The following DLGAP1 variants were observed in gnomAD, a reference collection of about 807,000 sequenced individuals.
DLGAP1 encodes the protein DLG associated protein 1.
A neutral mutation model predicts 90.8 loss-of-function variants in DLGAP1; 11 were observed. The observed-to-expected ratio is 0.12, with a 90% CI of 0.08 to 0.20. The LOEUF (loss-of-function observed/expected upper bound fraction) is 0.20, where lower values mean the gene tolerates loss of function less well. DLGAP1 is among the 10% of genes least tolerant of loss of function. The probability of loss-of-function intolerance (pLI) is 1.00; values close to 1 mark genes in which losing one functional copy is unlikely to be tolerated. For missense variants in DLGAP1, 1,050 were observed against 1,333.8 expected (o/e 0.79, Z 3.31); for synonymous variants, 558 against 540.7 (o/e 1.03, Z -0.44).
chr18:3,531,153 T>C (rs1390470523), intron 10 of DLGAP1, among the ~76,000 whole-genome samples: 2 of 152,318 alleles, frequency 1.3e-5, no homozygotes, highest in East Asian at 3.9e-4. Flanking sequence ...TAAGAAATTA[T>C]TGGCCGGGCG....
At chr18:3,874,098 C>G (rs1344269564) in intron 4 of DLGAP1, 2 of 1,545,408 alleles carry the variant, frequency 1.3e-6, no homozygotes, top group South Asian at 1.2e-5. Flanking sequence ...AAAAACCATC[C>G]AAATCAACAC....
At chr18:4,287,675 G>T (rs1007598170) in intron 1 of DLGAP1, among the ~76,000 whole-genome samples, 3 of 151,984 alleles carry the variant, frequency 2.0e-5, no homozygotes, top group African/African-American at 7.3e-5. Context: ...ACATACCAGG[G>T]CCTGTCATGG....
chr18:3,695,719 G>GT (rs1195551510), intron 7 of DLGAP1, among the ~76,000 whole-genome samples: 7 of 152,168 alleles, frequency 4.6e-5, no homozygotes, highest in Non-Finnish European at 8.8e-5. Flanking sequence ...ATTTAAAATA[G>GT]TTTTTTCTAA....
intron 7 of DLGAP1, among the ~76,000 whole-genome samples, chr18:3,585,736 G>A (rs1403205940): frequency 1.3e-5 from 2 of 152,110 alleles, no homozygotes; most frequent in African/African-American, 2.4e-5. Flanking sequence ...TTGAGTCCAG[G>A]AGTTGCAGAC....
chr18:3,811,619 G>A (rs954258952), intron 5 of DLGAP1, among the ~76,000 whole-genome samples: 9 of 152,164 alleles, frequency 5.9e-5, no homozygotes, highest in South Asian at 2.1e-4. Flanking sequence ...CAACTTCACC[G>A]TCTGAAGGAG....
chr18:3,600,847 G>GATATATAGATATATAGAT (rs2056917928), intron 7 of DLGAP1, among the ~76,000 whole-genome samples: 5 of 27,356 alleles, frequency 1.8e-4, no homozygotes, highest in African/African-American at 5.9e-4. Flanking sequence ...GATATATATA[G>GATATATAGATATATAGAT]ATATATAGAT....
At chr18:4,239,507 AAAAAG>A (rs2078485452) in intron 1 of DLGAP1, among the ~76,000 whole-genome samples, 4 of 152,280 alleles carry the variant, frequency 2.6e-5, no homozygotes, top group African/African-American at 9.6e-5. Context: ...GTCCCTAAAT[AAAAAG>A]AAAACTATAA....
chr18:3,672,730 T>C (rs1258200620), intron 7 of DLGAP1, among the ~76,000 whole-genome samples: 2 of 152,068 alleles, frequency 1.3e-5, no homozygotes, highest in Non-Finnish European at 2.9e-5. Flanking sequence ...CCTAATCTTG[T>C]TGTATCAGTT....
intron 9 of DLGAP1, among the ~76,000 whole-genome samples, chr18:3,543,818 G>T (rs991234519): frequency 6.6e-6 from 1 of 152,138 alleles, no homozygotes. Context: ...GACATTGCTA[G>T]GGGTACGAGG....
intron 3 of DLGAP1, among the ~76,000 whole-genome samples, chr18:3,941,778 T>C (rs1466118387): frequency 6.6e-6 from 1 of 152,160 alleles, no homozygotes; most frequent in African/African-American, 2.4e-5. Context: ...AATGGCATGA[T>C]CACAGTTCAC....
At chr18:3,807,862 C>A (rs2066639827) in intron 5 of DLGAP1, among the ~76,000 whole-genome samples, 1 of 152,220 alleles carries the variant, frequency 6.6e-6, no homozygotes, top group Non-Finnish European at 1.5e-5. Flanking sequence ...GTTCTCTCCT[C>A]TCTATAGTCA....
intron 7 of DLGAP1, among the ~76,000 whole-genome samples, chr18:3,671,176 C>A (rs2060075974): frequency 8.1e-6 from 1 of 123,220 alleles, no homozygotes; most frequent in African/African-American, 3.6e-5. Context: ...GGCCTTTGCT[C>A]TTTGCTGCTT....
chr18:4,186,070 T>A (rs992947433), intron 1 of DLGAP1, among the ~76,000 whole-genome samples: 1 of 125,458 alleles, frequency 8.0e-6, no homozygotes, highest in Non-Finnish European at 1.8e-5. Context: ...ATTGGCCTCA[T>A]GTATGTCCTC....
At chr18:4,246,813 T>C (rs1380319773) in intron 1 of DLGAP1, among the ~76,000 whole-genome samples, 1 of 152,264 alleles carries the variant, frequency 6.6e-6, no homozygotes, top group Non-Finnish European at 1.5e-5. Flanking sequence ...TGTTGGTTTC[T>C]TTTCAATTTG....
intron 9 of DLGAP1, among the ~76,000 whole-genome samples, chr18:3,542,387 A>C (rs949292214): frequency 2.0e-5 from 3 of 152,196 alleles, no homozygotes; most frequent in African/African-American, 7.2e-5. Flanking sequence ...GAGGCAGAAA[A>C]AGAGGCCACA....
At chr18:4,287,012 C>G (rs1316393982) in intron 1 of DLGAP1, among the ~76,000 whole-genome samples, 1 of 152,050 alleles carries the variant, frequency 6.6e-6, no homozygotes, top group Non-Finnish European at 1.5e-5. Flanking sequence ...GCGGGTACCT[C>G]TGCACCTCTG....
chr18:3,588,139 G>A (rs1001264365), intron 7 of DLGAP1, among the ~76,000 whole-genome samples: 1 of 152,206 alleles, frequency 6.6e-6, no homozygotes, highest in African/African-American at 2.4e-5. Context: ...AGAGAGACCA[G>A]AGGTTGGTAT....
chr18:3,834,984 A>G (rs572311971), intron 4 of DLGAP1, among the ~76,000 whole-genome samples: 2 of 152,350 alleles, frequency 1.3e-5, no homozygotes, highest in South Asian at 4.1e-4. Flanking sequence ...ATCAGAAATT[A>G]GAATCTTCAA....
intron 7 of DLGAP1, chr18:3,607,708 G>A (rs2057388308): frequency 1.3e-5 from 2 of 151,914 alleles, no homozygotes; most frequent in South Asian, 2.1e-4. Flanking sequence ...ATGCCTTTAC[G>A]CCAGTGGCAA....
Sources: gnomAD v4.1 joint callset for allele counts (sites outside exome capture counted in the v4.1 genomes callset) on GRCh38, gnomAD v4.1.1 for gene constraint, MANE v1.5 for transcripts, NCBI Gene and HGNC (gene_info 2026-07-23, HGNC 2026-07-21) for gene names.